The following GARIN3 variants were observed in gnomAD, a reference collection of about 807,000 sequenced individuals.
GARIN3 encodes the protein Golgi-associated RAB2 interactor protein 3.
At chr5:157,162,410 T>G in the GARIN3 span, 1 of 1,592,960 alleles carries the variant, frequency 6.3e-7, no homozygotes, top group African/African-American at 1.4e-5. Context: ...CTAGGGATAC[T>G]TCCAGATCCC....
At chr5:157,162,278 C>G in the GARIN3 span, 1 of 1,006,012 alleles carries the variant, frequency 9.9e-7, no homozygotes. Context: ...TCACAGAAGC[C>G]ACTGTGAGGT....
chr5:157,163,034 G>T, the GARIN3 span: 1 of 1,614,174 alleles, frequency 6.2e-7, no homozygotes, highest in South Asian at 1.1e-5. Flanking sequence ...CTTCCATCTC[G>T]TTCACTCATG....
the GARIN3 span, chr5:157,163,346 C>G: frequency 6.2e-7 from 1 of 1,614,080 alleles, no homozygotes; most frequent in South Asian, 1.1e-5. Context: ...GTCACTTGAC[C>G]TGGGCCTGCA....
chr5:157,164,795 G>A, the GARIN3 span, among the ~76,000 whole-genome samples: 3 of 151,870 alleles, frequency 2.0e-5, no homozygotes, highest in Non-Finnish European at 2.9e-5. Flanking sequence ...CTTCTTCATT[G>A]TTAAAAATAT....
At chr5:157,164,605 T>C in the GARIN3 span, among the ~76,000 whole-genome samples, 4 of 152,208 alleles carry the variant, frequency 2.6e-5, no homozygotes, top group Non-Finnish European at 5.9e-5. Context: ...TATTTTTACG[T>C]GCTCTGCAGG....
chr5:157,165,590 T>C, the GARIN3 span: 8 of 1,613,198 alleles, frequency 5.0e-6, no homozygotes, highest in Non-Finnish European at 6.8e-6. Flanking sequence ...CTTCGGGTGG[T>C]GCGTCCCCAG....
chr5:157,166,205 A>G, the GARIN3 span: 1 of 1,582,328 alleles, frequency 6.3e-7, no homozygotes, highest in Non-Finnish European at 8.6e-7. Context: ...CCAGCCACAA[A>G]TAGAGTCCCC....
At chr5:157,165,750 A>G in the GARIN3 span, 1 of 1,614,196 alleles carries the variant, frequency 6.2e-7, no homozygotes, top group African/African-American at 1.3e-5. Flanking sequence ...TTTCAGGCGC[A>G]GCTGCTGTTT....
At chr5:157,164,697 A>G in the GARIN3 span, among the ~76,000 whole-genome samples, 1 of 152,212 alleles carries the variant, frequency 6.6e-6, no homozygotes, top group Non-Finnish European at 1.5e-5. Context: ...GTGCACGTGC[A>G]TACACACACA....
At chr5:157,164,103 G>A in the GARIN3 span, among the ~76,000 whole-genome samples, 945 of 151,064 alleles carry the variant, frequency 6.3e-3, 7 homozygotes, top group Non-Finnish European at 0.01. Flanking sequence ...AAAAAAGGAA[G>A]GAGAAGGAGA....
chr5:157,162,339 T>A, the GARIN3 span: 1 of 1,456,452 alleles, frequency 6.9e-7, no homozygotes, highest in South Asian at 1.4e-5. Context: ...GTATTTCTTT[T>A]GGAGTTGTAC....
At chr5:157,165,423 G>T in the GARIN3 span, 2 of 1,322,856 alleles carry the variant, frequency 1.5e-6, no homozygotes, top group Non-Finnish European at 2.1e-6. Flanking sequence ...CCTAGTAGTG[G>T]CTCATTTGGT....
At chr5:157,163,112 A>ACTTGCTGGTCGTAGCAGG in the GARIN3 span, 4 of 1,614,022 alleles carry the variant, frequency 2.5e-6, no homozygotes, top group Non-Finnish European at 3.4e-6. Flanking sequence ...TCTGCTGCAC[A>ACTTGCTGGTCGTAGCAGG]CTTGCTGGTC....
chr5:157,163,042 A>T, the GARIN3 span: 3 of 1,614,166 alleles, frequency 1.9e-6, no homozygotes, highest in South Asian at 1.1e-5. Flanking sequence ...TCGTTCACTC[A>T]TGTAGCCTTC....
chr5:157,162,721 A>G, the GARIN3 span: 1 of 1,614,154 alleles, frequency 6.2e-7, no homozygotes, highest in Non-Finnish European at 8.5e-7. Context: ...GTTCTTCCCC[A>G]GTTCCTGAGT....
the GARIN3 span, chr5:157,162,790 C>T: frequency 3.7e-6 from 6 of 1,614,104 alleles, no homozygotes; most frequent in African/African-American, 4.0e-5. Flanking sequence ...GGAGCCATGT[C>T]GCTTGCCCCT....
chr5:157,162,768 G>C, the GARIN3 span: 1 of 1,614,224 alleles, frequency 6.2e-7, no homozygotes, highest in East Asian at 2.2e-5. Flanking sequence ...TGTGGGTGGA[G>C]CTCTTGCGAG....
At chr5:157,162,551 C>T in the GARIN3 span, 1 of 1,614,056 alleles carries the variant, frequency 6.2e-7, no homozygotes, top group East Asian at 2.2e-5. Flanking sequence ...TCCACTTTGG[C>T]CTCTATGTTT....
chr5:157,165,126 A>G, the GARIN3 span, among the ~76,000 whole-genome samples: 1 of 152,196 alleles, frequency 6.6e-6, no homozygotes, highest in Admixed American at 6.5e-5. Flanking sequence ...TACAATGTAT[A>G]TTATTCAGAT....
Sources: allele counts gnomAD v4.1 joint callset (sites outside exome capture counted in the v4.1 genomes callset), GRCh38; gene constraint gnomAD v4.1.1; transcripts MANE v1.5; gene names NCBI Gene and HGNC (gene_info 2026-07-23, HGNC 2026-07-21).